UNK: variants seen among roughly 807,000 people sequenced by gnomAD.
UNK encodes RING finger protein unkempt homolog.
In UNK, 32 loss-of-function variants were observed where a neutral mutation model predicts 97.6. The ratio of observed to expected loss-of-function variants is 0.33; its 90% CI spans 0.25 to 0.44. The LOEUF (loss-of-function observed/expected upper bound fraction) is 0.44, where lower values mean the gene tolerates loss of function less well. Among genes scored for constraint, UNK ranks in the 20% least tolerant of loss-of-function variants. The probability of loss-of-function intolerance (pLI) is 1.00; values close to 1 mark genes in which losing one functional copy is unlikely to be tolerated. For missense variants in UNK, 771 were observed against 1,098.4 expected, an observed-to-expected ratio of 0.70 and a Z score of 4.21; for synonymous variants, 441 against 461.2, an observed-to-expected ratio of 0.96 and a Z score of 0.56.
At chr17:75,821,476 A>T in intron 13 of UNK, 1 of 439,586 alleles carries the variant, frequency 2.3e-6, no homozygotes, top group Non-Finnish European at 4.6e-6. Flanking sequence ...AGCTTGCTGC[A>T]GGGCTGGTCT....
chr17:75,812,870 G>A (rs2143785189), intron 4 of UNK, among the ~76,000 whole-genome samples: 1 of 152,382 alleles, frequency 6.6e-6, no homozygotes, highest in South Asian at 2.1e-4. Context: ...TGAGCTGTGA[G>A]TGTCTCTCTG....
intron 14 of UNK, 122 bp from the exon 15 acceptor site, chr17:75,823,143 C>T (rs2062084303): frequency 1.4e-6 from 2 of 1,453,822 alleles, no homozygotes; most frequent in South Asian, 2.9e-5. Context: ...TGCCCTCCTC[C>T]CAGAGAGCCA....
At chr17:75,804,840 T>TA (rs891944523) in intron 1 of UNK, among the ~76,000 whole-genome samples, 8 of 134,692 alleles carry the variant, frequency 5.9e-5, no homozygotes, top group Admixed American at 1.5e-4. Context: ...GACTCTGTCT[T>TA]AAAAAAAAAA....
chr17:75,804,048 A>G (rs2061887959), intron 1 of UNK, among the ~76,000 whole-genome samples: 1 of 152,272 alleles, frequency 6.6e-6, no homozygotes, highest in Admixed American at 6.5e-5. Flanking sequence ...TGTGCTGGCA[A>G]AAGTGAAAAC....
rs758738775 is a variant in UNK, at chr17:75,784,940, C to G, written c.60C>G (p.Thr20=). ...SAASSAPPAA[T]AQVLQAQPEK... ...CTTCCTCGGCGCCCCCGGCCGCTAC[C>G]GCTCAGGTGCTGCAGGCACAGCCCG... The change falls in exon 1 of 16, where the codon ACC becomes ACG. Residue 20 remains threonine, a synonymous_variant. Coordinates refer to ENST00000589666, the MANE Select transcript of UNK (RefSeq NM_001080419.3). The G allele has an allele frequency of 5.4e-5, 84 of 1,547,046 alleles. No homozygotes were observed. The highest frequency in any genetic ancestry group is 5.8e-5 in the Non-Finnish European group (67 of 1,149,384).
rs1183881004 is a variant in UNK at position 75,823,616 on chromosome 17, A to G, written c.2277+94A>G. On this transcript the variant is annotated intron_variant, in intron 15 of 15. Transcript: ENST00000589666. ...GGTCCAGGCTGCTCCAGGGATGGCC[A>G]CCCTCCTGAGAGCCTCTGCCCAGCA... The G allele has an allele frequency of 9.1e-6, 13 of 1,428,194 alleles. No individual in the cohort carries two copies. The East Asian group carries it at 3.3e-4, about 36-fold the overall frequency. 88.5% of individuals were successfully genotyped at this position (1,428,194 alleles called of 1,614,324 possible).
chr17:75,811,992 A>G, intron 2 of UNK, 120 bp from the exon 3 acceptor site: 1 of 1,299,176 alleles, frequency 7.7e-7, no homozygotes, highest in Non-Finnish European at 1.0e-6. Flanking sequence ...CTCAAAAACA[A>G]AACAAAACAA....
chr17:75,811,021 C>T (rs2061964469), intron 2 of UNK, among the ~76,000 whole-genome samples: 2 of 151,626 alleles, frequency 1.3e-5, no homozygotes, highest in Admixed American at 6.6e-5. Flanking sequence ...ACTTCCATGT[C>T]GGCTCACTGC....
chr17:75,791,141 T>C (rs1363452828), intron 1 of UNK, among the ~76,000 whole-genome samples: 1 of 152,164 alleles, frequency 6.6e-6, no homozygotes, highest in Non-Finnish European at 1.5e-5. Context: ...TCTAGTTTAG[T>C]GAAGGTTTGC....
At chr17:75,798,174 G>A (rs1222730640) in intron 1 of UNK, among the ~76,000 whole-genome samples, 5 of 151,362 alleles carry the variant, frequency 3.3e-5, no homozygotes, top group South Asian at 4.2e-4. Flanking sequence ...GGGTTCAAGC[G>A]ATTCTCCTGC....
chr17:75,788,158 T>G (rs1041842504), intron 1 of UNK, among the ~76,000 whole-genome samples: 2 of 151,708 alleles, frequency 1.3e-5, no homozygotes, highest in South Asian at 4.1e-4. Context: ...TGAATATTTG[T>G]AAGTTTTTGC....
intron 13 of UNK, chr17:75,821,977 AG>A: frequency 3.1e-6 from 1 of 318,100 alleles, no homozygotes; most frequent in Non-Finnish European, 6.2e-6. Flanking sequence ...CTGTAAAACA[AG>A]GGGGATGGCC....
intron 1 of UNK, among the ~76,000 whole-genome samples, chr17:75,804,434 G>A (rs1007998743): frequency 1.3e-5 from 2 of 151,566 alleles, no homozygotes; most frequent in Non-Finnish European, 2.9e-5. Context: ...CTGCCTGGGC[G>A]ACAGAGTGAG....
chr17:75,808,122 T>C (rs1434129145), intron 1 of UNK, among the ~76,000 whole-genome samples: 2 of 152,144 alleles, frequency 1.3e-5, no homozygotes, highest in Admixed American at 1.3e-4. Flanking sequence ...GGTAGTTTCT[T>C]TGTGGGTCCA....
chr17:75,806,599 C>T (rs1331176648), intron 1 of UNK, among the ~76,000 whole-genome samples: 1 of 152,014 alleles, frequency 6.6e-6, no homozygotes, highest in Non-Finnish European at 1.5e-5. Flanking sequence ...TGGTGAAACC[C>T]TGTCTTTACT....
chr17:75,789,469 T>A (rs1318695578), intron 1 of UNK, among the ~76,000 whole-genome samples: 1 of 152,098 alleles, frequency 6.6e-6, no homozygotes, highest in Non-Finnish European at 1.5e-5. Context: ...CCCCAGTAGC[T>A]GGGAGTACAG....
At chr17:75,795,479 A>G (rs1258779848) in intron 1 of UNK, among the ~76,000 whole-genome samples, 3 of 152,030 alleles carry the variant, frequency 2.0e-5, no homozygotes, top group Admixed American at 2.0e-4. Context: ...AGCTGAGATT[A>G]CAGGCACGCG....
chr17:75,818,063 C>T lies in UNK; in HGVS notation c.1306-40C>T, dbSNP rs2062032870. 2 of 1,607,508 alleles carry T rather than the reference C, an allele frequency of 1.2e-6. No homozygotes were observed. The highest frequency in any genetic ancestry group is 1.7e-6 in the Non-Finnish European group (2 of 1,175,260). On this transcript the variant is annotated intron_variant, in intron 9 of 15. Coordinates refer to ENST00000589666, the MANE Select transcript of UNK (RefSeq NM_001080419.3). The surrounding 1 kb of genome is among the most constrained non-coding windows in gnomAD (Gnocchi z 5.1). ...GGGTCAGATGGACTCAGGGACCCCC[C>T]AGCACCACATTCATCCACTCCCTGA...
chr17:75,787,583 T>C (rs1356783784), intron 1 of UNK, among the ~76,000 whole-genome samples: 1 of 151,452 alleles, frequency 6.6e-6, no homozygotes, highest in East Asian at 1.9e-4. Flanking sequence ...CCCAGCACTT[T>C]GGGAGCCTGA....
Sources: gnomAD v4.1 joint callset for allele counts (sites outside exome capture counted in the v4.1 genomes callset) on GRCh38, gnomAD v4.1.1 for gene constraint, Gnocchi (gnomAD v3.1) non-coding constraint, MANE v1.5 for transcripts, NCBI Gene and HGNC (gene_info 2026-07-23, HGNC 2026-07-21) for gene names.